The following TBC1D30 variants were observed in gnomAD, a reference collection of about 807,000 sequenced individuals.
TBC1D30 encodes the protein TBC1 domain family member 30.
A neutral mutation model predicts 63.2 loss-of-function variants in TBC1D30; 31 were observed. The ratio of observed to expected loss-of-function variants is 0.49; its 90% CI spans 0.37 to 0.66. The LOEUF is 0.66. Among genes scored for constraint, TBC1D30 ranks in the 30% least tolerant of loss-of-function variants. The pLI, the probability that TBC1D30 is intolerant of heterozygous loss-of-function variation, is 0.00. For synonymous variants in TBC1D30, 307 were observed against 361.5 expected (o/e 0.85, Z 1.71); for missense variants, 810 against 953.6 (o/e 0.85, Z 1.98).
intron 2 of TBC1D30, among the ~76,000 whole-genome samples, chr12:64,802,502 CTTTT>C (rs943436351): frequency 2.6e-5 from 4 of 151,826 alleles, no homozygotes; most frequent in African/African-American, 9.7e-5. Flanking sequence ...TTCTTTCTTT[CTTTT>C]TATTATTATA....
At chr12:64,792,737 A>AT (rs1414980514) in intron 2 of TBC1D30, among the ~76,000 whole-genome samples, 8 of 151,402 alleles carry the variant, frequency 5.3e-5, no homozygotes, top group Admixed American at 2.0e-4. Flanking sequence ...CACCCAGCTA[A>AT]TTTTTTTTTA....
intron 1 of TBC1D30, among the ~76,000 whole-genome samples, chr12:64,765,156 TTC>T (rs752573840): frequency 1.4e-4 from 21 of 152,262 alleles, no homozygotes; most frequent in Non-Finnish European, 2.9e-4. Flanking sequence ...AACCTAGATA[TTC>T]AACAATATGA....
Position 64,876,975 on chromosome 12 carries a change from C to T in TBC1D30, c.*1187C>T. 1 of 453,742 alleles carries T rather than the reference C, an allele frequency of 2.2e-6. No homozygotes were observed. The highest frequency in any genetic ancestry group is 1.6e-5 in the South Asian group (1 of 64,194). 28.1% of individuals were successfully genotyped at this position (453,742 alleles called of 1,614,324 possible). On this transcript the variant is annotated 3_prime_UTR_variant, in exon 12 of 12. Coordinates refer to ENST00000539867, the MANE Select transcript of TBC1D30 (RefSeq NM_015279.2). ...TATTCCAAGTGACTTAGCCACATTTCCTTCAGTGCAATAGGTGGGTTTAAT... is the reference window on the plus strand; with the variant it reads ...TATTCCAAGTGACTTAGCCACATTTTCTTCAGTGCAATAGGTGGGTTTAAT...
chr12:64,843,248 G>C, intron 7 of TBC1D30, 132 bp from the exon 8 acceptor site: 1 of 720,006 alleles, frequency 1.4e-6, no homozygotes. Flanking sequence ...TCCCGCCCCA[G>C]CCTCCCAGAG....
chr12:64,800,576 G>A (rs1205796066), intron 2 of TBC1D30, among the ~76,000 whole-genome samples: 4 of 152,096 alleles, frequency 2.6e-5, no homozygotes, highest in Admixed American at 2.6e-4. Context: ...GAATCTGGGT[G>A]GATGTGAGGG....
chr12:64,787,182 GT>G (rs1871644285), intron 2 of TBC1D30, among the ~76,000 whole-genome samples: 1 of 152,176 alleles, frequency 6.6e-6, no homozygotes, highest in Non-Finnish European at 1.5e-5. Flanking sequence ...ACTAAGAGCT[GT>G]GTGGGAGCTG....
intron 8 of TBC1D30, among the ~76,000 whole-genome samples, chr12:64,845,486 G>T (rs1038755361): frequency 1.3e-5 from 2 of 152,102 alleles, no homozygotes; most frequent in Admixed American, 1.3e-4. Context: ...CAGCGCTTTG[G>T]GAGGCTGAGG....
chr12:64,788,513 CCAGGGT>C (rs1484355662), intron 2 of TBC1D30, among the ~76,000 whole-genome samples: 4 of 152,022 alleles, frequency 2.6e-5, no homozygotes, highest in Non-Finnish European at 2.9e-5. Context: ...TCAGGTTAGT[CCAGGGT>C]CACAGATTGG....
At chr12:64,781,402 C>A (rs1871279699) in intron 1 of TBC1D30, 1 of 958,020 alleles carries the variant, frequency 1.0e-6, no homozygotes, top group Non-Finnish European at 1.2e-6. Flanking sequence ...CAGATACTGT[C>A]TCTTTGGATC....
At chr12:64,770,364 GA>G (rs1463271158) in intron 1 of TBC1D30, among the ~76,000 whole-genome samples, 14 of 152,134 alleles carry the variant, frequency 9.2e-5, no homozygotes, top group African/African-American at 3.1e-4. Flanking sequence ...TGAAAATTAA[GA>G]TTTGTGCAAA....
chr12:64,838,031 A>G (rs971833728), intron 6 of TBC1D30, among the ~76,000 whole-genome samples: 1 of 152,248 alleles, frequency 6.6e-6, no homozygotes, highest in Non-Finnish European at 1.5e-5. Flanking sequence ...CTAAATATTT[A>G]TATTTCATAA....
At chr12:64,851,428 A>G (rs762045060) in intron 8 of TBC1D30, among the ~76,000 whole-genome samples, 5 of 152,204 alleles carry the variant, frequency 3.3e-5, no homozygotes, top group African/African-American at 4.8e-5. Context: ...TAGTCTTTGC[A>G]CGTGAGATGG....
At position 64,874,900 on chromosome 12, in the gene TBC1D30, T is replaced by A; in HGVS notation, c.1499-101T>A. 2.7e-6 allele frequency: 3 copies of A among 1,098,770 alleles called. No homozygotes were observed. In the Admixed American group the frequency reaches 7.7e-5, roughly 28 times the overall value. The allele number at this position is 1,098,770 out of a possible 1,614,324, so 68.1% of individuals were successfully genotyped here. ...TCCCTGGGGAACACATGGGAAGGGA[T>A]GTGGTAGACGGGGCTGGGAGGACCT... On this transcript the variant is annotated intron_variant, in intron 11 of 11. Coordinates refer to ENST00000539867, the MANE Select transcript of TBC1D30 (RefSeq NM_015279.2).
At position 64,769,861 on chromosome 12, in the gene TBC1D30, G is replaced by A. The variant is rs552526007; in HGVS notation, c.-376+10212G>A. Among the ~76,000 whole-genome samples, 6 of 152,220 alleles carry A rather than the reference G, an allele frequency of 3.9e-5. No individual in the cohort carries two copies. In the South Asian group the frequency reaches 1.2e-3, roughly 32 times the overall value. ...AATATTTAACTCTCCCTACAAATCA[G>A]TTTTAAGTTGAATTTAATTTTTAAT... On this transcript the variant is annotated intron_variant, in intron 1 of 13. Transcript: ENST00000674237.
rs1438258439 is a variant in TBC1D30 at position 64,830,451 on chromosome 12, C to A, written c.357C>A (p.Phe119Leu). ...IDWDKTMRFT[F>L]NERSNPDDDS... is the part of the protein sequence containing the mutation. ...GGGACAAAACCATGCGCTTCACTTT[C>A]AATGAAAGGAGTAATCCTGATGATG... The change falls in exon 4 of 12, where the codon TTC becomes TTA. Residue 119 changes from phenylalanine to leucine, a missense_variant. Physicochemically the swap from Phe to Leu is conservative, Grantham distance 22 (BLOSUM62 0). This residue lies in a region of TBC1D30 where 272 missense variants were observed against 335.9 expected (regional missense o/e 0.81). Transcript: ENST00000539867. The A allele has an allele frequency of 6.5e-7, 1 of 1,535,638 alleles. No individual in the cohort carries two copies. The highest frequency in any genetic ancestry group is 2.0e-5 in the Admixed American group (1 of 50,994).
rs763576802 is a variant in TBC1D30 at position 64,875,597 on chromosome 12, C to T, written c.2095C>T (p.Pro699Ser). ...AGAAAACAAAGCCACCAGCAAAGCT[C>T]CCCAAGGCAGCAACTCAAAAACCCC... ...PEENKATSKA[P>S]QGSNSKTPIF... The change falls in exon 12 of 12, where the codon CCC becomes TCC. Residue 699 changes from proline to serine, a missense_variant. Transcript: ENST00000539867. 1.3e-6 allele frequency: 2 copies of T among 1,536,078 alleles called. No individual in the cohort carries two copies. The highest frequency in any genetic ancestry group is 1.7e-6 in the Non-Finnish European group (2 of 1,146,924).
At chr12:64,847,833 A>G (rs1876523570) in intron 8 of TBC1D30, among the ~76,000 whole-genome samples, 1 of 152,144 alleles carries the variant, frequency 6.6e-6, no homozygotes, top group South Asian at 2.1e-4. Context: ...CCATATGCTG[A>G]AGAGAAAAAT....
intron 8 of TBC1D30, among the ~76,000 whole-genome samples, chr12:64,858,246 C>T (rs992018734): frequency 6.6e-6 from 1 of 152,182 alleles, no homozygotes; most frequent in African/African-American, 2.4e-5. Flanking sequence ...ATTGAGAATC[C>T]ATGGTTAGTT....
intron 2 of TBC1D30, among the ~76,000 whole-genome samples, chr12:64,795,027 G>A (rs796590005): frequency 5.4e-4 from 83 of 152,300 alleles, no homozygotes; most frequent in African/African-American, 2.0e-3. Context: ...ATATTTAGAA[G>A]CTTTCCTTAG....
Sources: allele counts gnomAD v4.1 joint callset (sites outside exome capture counted in the v4.1 genomes callset), GRCh38; gene constraint gnomAD v4.1.1; regional missense constraint gnomAD v4.1.1; transcripts MANE v1.5; gene names NCBI Gene and HGNC (gene_info 2026-07-23, HGNC 2026-07-21).